The following TTC13 variants were observed in gnomAD, a reference collection of about 807,000 sequenced individuals.
TTC13 encodes the protein tetratricopeptide repeat domain 13, also known as tetratricopeptide repeat protein 13.
In TTC13, 62 loss-of-function variants were observed where a neutral mutation model predicts 120.0. That is an observed-to-expected ratio of 0.52 (90% confidence interval 0.42 to 0.64). TTC13 has a LOEUF of 0.64. TTC13 is among the 30% of genes least tolerant of loss of function. The pLI is 0.00. For missense variants in TTC13, 824 were observed against 1,050.2 expected, an observed-to-expected ratio of 0.78 and a Z score of 2.98; for synonymous variants, 384 against 393.5, an observed-to-expected ratio of 0.98 and a Z score of 0.28.
intron 18 of TTC13, among the ~76,000 whole-genome samples, chr1:230,914,147 T>A: frequency 6.6e-6 from 1 of 151,994 alleles, no homozygotes; most frequent in Non-Finnish European, 1.5e-5. Flanking sequence ...AGCAGGAAAT[T>A]GAGGAAAGAT....
intron 8 of TTC13, 69 bp from the exon 9 acceptor site, chr1:230,933,930 A>G: frequency 2.9e-6 from 3 of 1,020,324 alleles, no homozygotes; most frequent in Non-Finnish European, 4.3e-6. Flanking sequence ...TTAAATCATA[A>G]AAGGATTTAA....
At chr1:230,909,266 G>A (rs1489191604) in intron 20 of TTC13, among the ~76,000 whole-genome samples, 2 of 152,172 alleles carry the variant, frequency 1.3e-5, no homozygotes, top group Non-Finnish European at 2.9e-5. Context: ...CACTTTGGGA[G>A]GCCAAGGTGG....
In TTC13 at chr1:230,931,443, T is replaced by A; in HGVS notation, c.1155A>T (p.Glu385Asp). The A allele has an allele frequency of 6.2e-7, 1 of 1,614,222 alleles. No homozygotes were observed. The highest frequency in any genetic ancestry group is 8.5e-7 in the Non-Finnish European group (1 of 1,180,030). ...KRCLQLEPYN[E>D]VCQYMKGLSH... ...TGAGCCCTTTCATATACTGGCACAC[T>A]TCATTATATGGCTCTAGCTGCAGAC... is the stretch of plus-strand genomic sequence containing the variant. Residue 385 changes from glutamate (E) to aspartate (D), a missense_variant, in exon 11 of 23, where the codon GAA (glutamate) becomes GAT (aspartate). This residue lies in a region of TTC13 where 430 missense variants were observed against 626.8 expected (regional missense o/e 0.69). Transcript: ENST00000366661.
chr1:230,965,299 A>G (rs771588792), intron 1 of TTC13, among the ~76,000 whole-genome samples: 107 of 152,334 alleles, frequency 7.0e-4, no homozygotes, highest in Non-Finnish European at 1.2e-3. Flanking sequence ...TAATAATCCA[A>G]CCAAAAAATG....
chr1:230,958,300 CT>C lies in TTC13; in HGVS notation c.367-2del. The C allele has an allele frequency of 6.4e-7, 1 of 1,554,524 alleles. No homozygotes were observed. The highest frequency in any genetic ancestry group is 1.2e-5 in the South Asian group (1 of 83,426). ...GTTCTGCAATAGACTTGGCCTGGCT[CT>C]GGGAAAAAAAAAAAAAAAACCCATA... On this transcript the variant is annotated splice_acceptor_variant, in intron 2 of 22. Coordinates refer to ENST00000366661, the MANE Select transcript of TTC13 (RefSeq NM_024525.5). LOFTEE classifies it high-confidence loss of function.
chr1:230,929,191 C>G, intron 11 of TTC13, 98 bp from the exon 12 acceptor site: 1 of 1,262,762 alleles, frequency 7.9e-7, no homozygotes, highest in Non-Finnish European at 1.1e-6. Flanking sequence ...AGCTGTTCTT[C>G]AATTATAAGA....
chr1:230,907,478 T>C (rs753053931), intron 22 of TTC13, among the ~76,000 whole-genome samples: 27 of 152,266 alleles, frequency 1.8e-4, no homozygotes, highest in Non-Finnish European at 3.2e-4. Flanking sequence ...AACTGCAGGA[T>C]GTAAGGTAGC....
intron 2 of TTC13, among the ~76,000 whole-genome samples, chr1:230,959,029 T>C (rs769098270): frequency 2.6e-4 from 40 of 152,292 alleles, no homozygotes; most frequent in Middle Eastern, 3.4e-3. Flanking sequence ...GATGGCTTGA[T>C]TGTGGCAACC....
intron 12 of TTC13, among the ~76,000 whole-genome samples, chr1:230,926,498 A>G (rs1351719889): frequency 6.6e-6 from 1 of 152,194 alleles, no homozygotes; most frequent in East Asian, 1.9e-4. Context: ...CAAGTGTTGA[A>G]TAGAAATCAC....
chr1:230,943,704 T>G lies in TTC13; in HGVS notation c.672+102A>C, dbSNP rs184504918. ...GTACCGACATAGAAAAACATAAGAG[T>G]TTTAAGGGAGCATTAAAATTTACAA... On this transcript the variant is annotated intron_variant, in intron 6 of 22. Transcript: ENST00000366661. 9.2e-4 allele frequency: 840 copies of G among 908,740 alleles called. 12 individuals carry two copies. In the African/African-American group the frequency reaches 0.013, roughly 14 times the overall value. 56.3% of individuals were successfully genotyped at this position (908,740 alleles called of 1,614,324 possible).
chr1:230,940,941 G>A lies in TTC13; in HGVS notation c.673-385C>T, dbSNP rs1043034915. ...AAGATAACTTTGAACCATTAAAATA[G>A]ACAAATTATCGGACACAGATTAGAG... On this transcript the variant is annotated intron_variant, in intron 6 of 22. Transcript: ENST00000366661. The surrounding 1 kb of genome is among the most constrained non-coding windows in gnomAD (Gnocchi z 4.1). Among the ~76,000 whole-genome samples the A allele has an allele frequency of 2.0e-5, 3 of 152,240 alleles. No individual in the cohort carries two copies. The highest frequency in any genetic ancestry group is 2.1e-4 in the South Asian group (1 of 4,824).
chr1:230,966,127 A>G (rs1677102337), intron 1 of TTC13, among the ~76,000 whole-genome samples: 1 of 152,160 alleles, frequency 6.6e-6, no homozygotes, highest in African/African-American at 2.4e-5. Flanking sequence ...TTGTAGCTTC[A>G]CAATAAATAA....
intron 17 of TTC13, among the ~76,000 whole-genome samples, chr1:230,917,195 C>A (rs75635580): frequency 0.13 from 20,387 of 152,058 alleles, 1,380 homozygotes; most frequent in Middle Eastern, 0.16. Context: ...CCAAAAAAAA[C>A]GACTTTCAGG....
At chr1:230,918,176 A>G (rs901042822) in intron 17 of TTC13, among the ~76,000 whole-genome samples, 2 of 152,242 alleles carry the variant, frequency 1.3e-5, no homozygotes, top group Non-Finnish European at 2.9e-5. Flanking sequence ...ACTATTTATT[A>G]TATAGTTTTC....
At chr1:230,910,018 G>A (rs1462993283) in intron 20 of TTC13, among the ~76,000 whole-genome samples, 2 of 152,214 alleles carry the variant, frequency 1.3e-5, no homozygotes, top group African/African-American at 4.8e-5. Flanking sequence ...TAACCACAGT[G>A]TTGTGCTTTT....
Position 230,978,833 on chromosome 1 carries a change from T to C in TTC13, c.-3A>G. On this transcript the variant is annotated 5_prime_UTR_variant, in exon 1 of 23. Coordinates refer to ENST00000366661, the MANE Select transcript of TTC13 (RefSeq NM_024525.5). The surrounding 1 kb of genome is among the most constrained non-coding windows in gnomAD (Gnocchi z 5.6). ...CAGCAGCAGCCGGCAGGTGCCATCTTCCCTCAAGGCGCATGCGCGACAGCC... is the reference window on the plus strand; with the variant it reads ...CAGCAGCAGCCGGCAGGTGCCATCTCCCCTCAAGGCGCATGCGCGACAGCC... 1 of 1,470,600 alleles carries C rather than the reference T, an allele frequency of 6.8e-7. No homozygotes were observed. Among genetic ancestry groups the C allele is most frequent in the Non-Finnish European group, 8.9e-7 (1 of 1,121,568 alleles). The allele number at this position is 1,470,600 out of a possible 1,614,324, so 91.1% of individuals were successfully genotyped here. A position where few individuals can be genotyped will look rare whatever the true frequency, so the allele number is the denominator to read the frequency against.
chr1:230,954,537 A>G (rs1218289833), intron 3 of TTC13, 134 bp from the exon 4 acceptor site: 1 of 600,766 alleles, frequency 1.7e-6, no homozygotes, highest in African/African-American at 1.9e-5. Flanking sequence ...CTAGAAGTTA[A>G]TAAGGTGTCA....
chr1:230,967,358 G>A (rs898413797), intron 1 of TTC13, among the ~76,000 whole-genome samples: 1 of 151,868 alleles, frequency 6.6e-6, no homozygotes, highest in African/African-American at 2.4e-5. Flanking sequence ...GCTATGGGTT[G>A]AGACTGATGT....
At chr1:230,936,798 T>C (rs1674097541) in intron 8 of TTC13, among the ~76,000 whole-genome samples, 1 of 151,802 alleles carries the variant, frequency 6.6e-6, no homozygotes, top group African/African-American at 2.4e-5. Flanking sequence ...AATACTTGTC[T>C]CTGCGGTTAA....
Sources: allele counts gnomAD v4.1 joint callset (sites outside exome capture counted in the v4.1 genomes callset), GRCh38; gene constraint gnomAD v4.1.1; regional missense constraint gnomAD v4.1.1; non-coding constraint Gnocchi (gnomAD v3.1); transcripts MANE v1.5; gene names NCBI Gene and HGNC (gene_info 2026-07-23, HGNC 2026-07-21).